Variants in ELOVL6 observed in about 807,000 individuals in gnomAD.
ELOVL6 encodes ELOVL fatty acid elongase 6, also known as very long chain fatty acid elongase 6.
Under a neutral mutation model 31.7 loss-of-function variants are expected in ELOVL6, and 8 were observed. That is an observed-to-expected ratio of 0.25 (90% CI 0.15 to 0.45). ELOVL6 has a LOEUF of 0.45. ELOVL6 is among the 20% of genes least tolerant of loss of function. ELOVL6 has a pLI of 1.00. For synonymous variants in ELOVL6, 101 were observed against 117.7 expected, an observed-to-expected ratio of 0.86 and a Z score of 0.92; for missense variants, 126 against 326.4, an observed-to-expected ratio of 0.39 and a Z score of 4.73.
At chr4:110,174,167 T>C (rs1441858491) in intron 1 of ELOVL6, among the ~76,000 whole-genome samples, 2 of 149,404 alleles carry the variant, frequency 1.3e-5, no homozygotes, top group Non-Finnish European at 3.0e-5. Flanking sequence ...AGACAGTCTT[T>C]TTTTTTTTTT....
At chr4:110,129,493 C>A (rs1215447914) in intron 1 of ELOVL6, among the ~76,000 whole-genome samples, 2 of 152,232 alleles carry the variant, frequency 1.3e-5, no homozygotes, top group East Asian at 3.9e-4. Flanking sequence ...ATCCATGATA[C>A]TCATTTGCCT....
chr4:110,144,239 T>C (rs944003807), intron 1 of ELOVL6, among the ~76,000 whole-genome samples: 4 of 152,136 alleles, frequency 2.6e-5, no homozygotes, highest in African/African-American at 7.2e-5. Flanking sequence ...TCCACAAAAC[T>C]AGGCAGTTAC....
At chr4:110,171,411 A>AAAAT (rs59222203) in intron 1 of ELOVL6, among the ~76,000 whole-genome samples, 14,599 of 146,384 alleles carry the variant, frequency 0.1, 816 homozygotes, top group African/African-American at 0.15. Flanking sequence ...CTCCATCTCA[A>AAAAT]AAATAAATAA....
intron 1 of ELOVL6, among the ~76,000 whole-genome samples, chr4:110,115,678 G>A (rs1000130473): frequency 6.6e-6 from 1 of 152,186 alleles, no homozygotes; most frequent in Admixed American, 6.5e-5. Context: ...AGTGACATAA[G>A]AGGATAAAGT....
chr4:110,185,697 G>C (rs1281631943), intron 1 of ELOVL6, among the ~76,000 whole-genome samples: 1 of 152,182 alleles, frequency 6.6e-6, no homozygotes, highest in African/African-American at 2.4e-5. Context: ...AAGTCAGCTA[G>C]AGTCACAATT....
chr4:110,123,564 G>C (rs1757411745), intron 1 of ELOVL6, among the ~76,000 whole-genome samples: 1 of 152,144 alleles, frequency 6.6e-6, no homozygotes, highest in South Asian at 2.1e-4. Context: ...AAAGCAAGTT[G>C]GTGCAGGTGG....
rs185037208 is a variant in ELOVL6 at position 110,140,467 on chromosome 4, C to T, written c.90-34839G>A. On this transcript the variant is annotated intron_variant, in intron 1 of 3. Transcript: ENST00000302274. The stretch of plus-strand genomic sequence containing the variant: ...ATTTTGAGATGGGGTCTTACTCTGT[C>T]GCCCAGGCTGAAGTGCAGTGGTGCA... Among the ~76,000 whole-genome samples the T allele has an allele frequency of 9.1e-4, 138 of 152,064 alleles. 1 individual carries two copies. The highest frequency in any genetic ancestry group is 2.8e-3 in the African/African-American group (115 of 41,520).
chr4:110,177,508 T>C (rs1313660091), intron 1 of ELOVL6, among the ~76,000 whole-genome samples: 2 of 151,938 alleles, frequency 1.3e-5, no homozygotes, highest in Non-Finnish European at 2.9e-5. Flanking sequence ...ACTTACTGAG[T>C]GCAAGTTGGC....
chr4:110,091,940 A>G (rs1248062193), intron 2 of ELOVL6, among the ~76,000 whole-genome samples: 1 of 152,250 alleles, frequency 6.6e-6, no homozygotes, highest in African/African-American at 2.4e-5. Flanking sequence ...GGAAACTGTA[A>G]GAATGATCTA....
At chr4:110,073,410 G>A (rs758112288) in intron 2 of ELOVL6, among the ~76,000 whole-genome samples, 1 of 152,186 alleles carries the variant, frequency 6.6e-6, no homozygotes, top group Admixed American at 6.5e-5. Context: ...TCTGAAAGTG[G>A]GTTGTGCCTG....
intron 1 of ELOVL6, among the ~76,000 whole-genome samples, chr4:110,121,159 GGCA>G (rs1479556631): frequency 2.0e-5 from 3 of 152,182 alleles, no homozygotes; most frequent in Non-Finnish European, 4.4e-5. Context: ...AAATGCGTAA[GGCA>G]GGGAATAGCC....
intron 1 of ELOVL6, among the ~76,000 whole-genome samples, chr4:110,115,084 A>C (rs1757136411): frequency 6.6e-6 from 1 of 152,150 alleles, no homozygotes; most frequent in Non-Finnish European, 1.5e-5. Context: ...AATAAAATGA[A>C]GGGGAAAACA....
intron 1 of ELOVL6, among the ~76,000 whole-genome samples, chr4:110,128,091 C>T (rs897269340): frequency 2.0e-5 from 3 of 151,610 alleles, no homozygotes; most frequent in South Asian, 2.1e-4. Flanking sequence ...ACAGGAGGCA[C>T]GATAACCCCA....
chr4:110,064,925 C>T (rs147214031), intron 2 of ELOVL6, among the ~76,000 whole-genome samples: 10 of 152,284 alleles, frequency 6.6e-5, no homozygotes, highest in African/African-American at 2.4e-4. Context: ...CTCTAATCAG[C>T]CCTTGGATGA....
chr4:110,127,336 G>A (rs1333840677), intron 1 of ELOVL6, among the ~76,000 whole-genome samples: 32 of 148,950 alleles, frequency 2.1e-4, no homozygotes, highest in Non-Finnish European at 1.5e-5. Context: ...GAACCCGGGA[G>A]GCAGAGGTTG....
chr4:110,133,169 G>T (rs1298969788), intron 1 of ELOVL6, among the ~76,000 whole-genome samples: 3 of 152,114 alleles, frequency 2.0e-5, no homozygotes, highest in Non-Finnish European at 4.4e-5. Context: ...GGAGTGTCAT[G>T]GGTCAGGGGT....
chr4:110,093,552 T>A (rs904445055), intron 2 of ELOVL6, among the ~76,000 whole-genome samples: 2 of 152,198 alleles, frequency 1.3e-5, no homozygotes, highest in Non-Finnish European at 2.9e-5. Flanking sequence ...TTCTTGGAAA[T>A]AGGTGAAATT....
chr4:110,132,486 T>C (rs1757696008), intron 1 of ELOVL6, among the ~76,000 whole-genome samples: 1 of 151,922 alleles, frequency 6.6e-6, no homozygotes, highest in South Asian at 2.1e-4. Flanking sequence ...GGGTAAGGGA[T>C]GATTTGTGGG....
chr4:110,056,538 T>TAA (rs528815118), intron 3 of ELOVL6, among the ~76,000 whole-genome samples: 1 of 146,398 alleles, frequency 6.8e-6, no homozygotes, highest in Non-Finnish European at 1.5e-5. Flanking sequence ...TTTAAAATGT[T>TAA]AAAAAAAAAA....
Sources: allele counts gnomAD v4.1 joint callset (sites outside exome capture counted in the v4.1 genomes callset), GRCh38; gene constraint gnomAD v4.1.1; transcripts MANE v1.5; gene names NCBI Gene and HGNC (gene_info 2026-07-23, HGNC 2026-07-21).